PTPN14: variants seen among roughly 807,000 people sequenced by gnomAD.
PTPN14 encodes the protein tyrosine-protein phosphatase non-receptor type 14.
PTPN14 carries 53 observed loss-of-function variants against 126.8 expected under a neutral mutation model. The ratio of observed to expected loss-of-function variants is 0.42; its 90% CI spans 0.34 to 0.53. PTPN14 has a LOEUF of 0.53. Among genes scored for constraint, PTPN14 ranks in the 20% least tolerant of loss-of-function variants. The probability of loss-of-function intolerance (pLI) is 0.08; values close to 1 mark genes in which losing one functional copy is unlikely to be tolerated. For missense variants in PTPN14, 1,257 were observed against 1,552.9 expected (o/e 0.81, Z 3.20); for synonymous variants, 630 against 599.3 (o/e 1.05, Z -0.75).
chr1:214,445,223 C>T (rs1005031787), intron 3 of PTPN14, among the ~76,000 whole-genome samples: 35 of 152,112 alleles, frequency 2.3e-4, no homozygotes, highest in African/African-American at 8.2e-4. Context: ...TGAGAAGCAC[C>T]GAAAACAGAC....
chr1:214,520,919 G>A (rs1471000879), intron 1 of PTPN14, among the ~76,000 whole-genome samples: 2 of 152,070 alleles, frequency 1.3e-5, no homozygotes, highest in Non-Finnish European at 2.9e-5. Context: ...TTTACCCCAG[G>A]CCAGTGTCTC....
In PTPN14 at chr1:214,391,060, G is replaced by GA; in HGVS notation, c.930-16dup. ...AATTTGACTGTCTACATGAAGAGGT[G>GA]AAAAAATGAGAATGGTTATTATTAT... is the stretch of plus-strand genomic sequence containing the variant. On this transcript the variant is annotated splice_polypyrimidine_tract_variant and intron_variant, in intron 10 of 18. Transcript: ENST00000366956. 6.5e-7 allele frequency: 1 copy of GA among 1,539,676 alleles called. No homozygotes were observed. Among genetic ancestry groups the GA allele is most frequent in the Non-Finnish European group, 8.9e-7 (1 of 1,128,402 alleles).
chr1:214,465,032 GA>G (rs1230607868), intron 1 of PTPN14, 75 bp from the exon 2 acceptor site: 2 of 305,808 alleles, frequency 6.5e-6, no homozygotes, highest in Admixed American at 1.3e-4. Flanking sequence ...CACACACACA[GA>G]AGCCCCCCCC....
intron 5 of PTPN14, among the ~76,000 whole-genome samples, chr1:214,407,204 T>C (rs115298067): frequency 0.013 from 1,949 of 152,270 alleles, 30 homozygotes; most frequent in Non-Finnish European, 0.017. Context: ...CAGCAGATAA[T>C]ACCACTGTTT....
intron 3 of PTPN14, among the ~76,000 whole-genome samples, chr1:214,419,273 TATC>T (rs1659491975): frequency 6.6e-6 from 1 of 152,168 alleles, no homozygotes; most frequent in Non-Finnish European, 1.5e-5. Context: ...GCAGAATCAT[TATC>T]ATCACACACG....
intron 1 of PTPN14, among the ~76,000 whole-genome samples, chr1:214,518,383 T>C (rs74479485): frequency 0.021 from 3,210 of 152,314 alleles, 102 homozygotes; most frequent in African/African-American, 0.071. Context: ...AGAATGACAA[T>C]AGTTTATTTT....
chr1:214,421,470 C>G (rs2102594079), intron 3 of PTPN14, among the ~76,000 whole-genome samples: 1 of 152,062 alleles, frequency 6.6e-6, no homozygotes, highest in South Asian at 2.1e-4. Flanking sequence ...TGTTAAAACA[C>G]TAAAAGTCAC....
chr1:214,375,738 C>T (rs762472529), intron 15 of PTPN14, among the ~76,000 whole-genome samples: 4 of 152,216 alleles, frequency 2.6e-5, no homozygotes, highest in Non-Finnish European at 4.4e-5. Context: ...AATTACTCCA[C>T]TCTTCTAAAT....
chr1:214,449,295 C>T (rs1161208269), intron 3 of PTPN14, among the ~76,000 whole-genome samples: 2 of 152,074 alleles, frequency 1.3e-5, no homozygotes, highest in Non-Finnish European at 2.9e-5. Flanking sequence ...CGTGAGCCAC[C>T]GCGCCCGGCC....
Position 214,378,101 on chromosome 1 carries a change from T to A in PTPN14, c.2546A>T (p.Asn849Ile). The change falls in exon 14 of 19, where the codon AAT becomes ATT. Residue 849 changes from asparagine (N) to isoleucine (I), a missense_variant and splice_region_variant. By Grantham distance (149) the Asn-to-Ile change is moderately radical. This residue lies in a region of PTPN14 where 1,021 missense variants were observed against 1,183.3 expected (regional missense o/e 0.86). Coordinates refer to ENST00000366956, the MANE Select transcript of PTPN14 (RefSeq NM_005401.5). Reference sequence around the variant, plus strand: ...GCCTGCCATCTTCTGCTTCTCTAGATTCTTGCGGCAAGAAAAGGCATGTGC... The same window carrying A: ...GCCTGCCATCTTCTGCTTCTCTAGAATCTTGCGGCAAGAAAAGGCATGTGC... Reference protein sequence around the residue: ...SIIEREMMIRNLEKQKMAGLE... With the variant: ...SIIEREMMIRILEKQKMAGLE... 1.2e-6 allele frequency: 2 copies of A among 1,607,720 alleles called. No individual in the cohort carries two copies. Among genetic ancestry groups the A allele is most frequent in the Admixed American group, 1.7e-5 (1 of 58,932 alleles).
At chr1:214,444,734 C>G (rs1211178855) in intron 3 of PTPN14, among the ~76,000 whole-genome samples, 2 of 152,142 alleles carry the variant, frequency 1.3e-5, no homozygotes. Context: ...CATGCACACA[C>G]ACAGAGAGAC....
rs926056061 is a variant in PTPN14, at chr1:214,355,955, T to C, written c.*1967A>G. ...CATCTAGTTTTTCTTGACAACCTTT[T>C]TTCCTTTTTTTTTTTTTTTTTTGGA... On this transcript the variant is annotated 3_prime_UTR_variant, in exon 19 of 19. Coordinates refer to ENST00000366956, the MANE Select transcript of PTPN14 (RefSeq NM_005401.5). 7.9e-6 allele frequency: 1 copy of C among 127,008 alleles called. No homozygotes were observed. Among genetic ancestry groups the C allele is most frequent in the African/African-American group, 3.2e-5 (1 of 30,836 alleles). 7.9% of individuals were successfully genotyped at this position (127,008 alleles called of 1,614,324 possible). A position where few individuals can be genotyped will look rare whatever the true frequency, so the allele number is the denominator to read the frequency against.
In PTPN14 at chr1:214,355,291, T is replaced by G. The variant is rs1657792290; in HGVS notation, c.*2631A>C. 1 of 152,194 alleles carries G rather than the reference T, an allele frequency of 6.6e-6. No homozygotes were observed. Among genetic ancestry groups the G allele is most frequent in the African/African-American group, 2.4e-5 (1 of 41,436 alleles). 9.4% of individuals were successfully genotyped at this position (152,194 alleles called of 1,614,324 possible). A position where few individuals can be genotyped will look rare whatever the true frequency, so the allele number is the denominator to read the frequency against. On this transcript the variant is annotated 3_prime_UTR_variant, in exon 19 of 19. Transcript: ENST00000366956. ...ACCTCAAAGACGCACCAGATCTATA[T>G]GCTGTCCACATGAGACATATTCTAA...
chr1:214,351,265 A>C lies in PTPN14; in HGVS notation c.*6657T>G, dbSNP rs1250934972. 5 of 150,484 alleles carry C rather than the reference A, an allele frequency of 3.3e-5. No homozygotes were observed. The highest frequency in any genetic ancestry group is 7.4e-5 in the Non-Finnish European group (5 of 67,746). 9.3% of individuals were successfully genotyped at this position (150,484 alleles called of 1,614,324 possible). On this transcript the variant is annotated 3_prime_UTR_variant, in exon 19 of 19. Transcript: ENST00000366956. ...GAGGCTGCACTCCAGCCTGCGCAAC[A>C]GGAGTGAGACACGATCTCAAAAACT...
intron 1 of PTPN14, among the ~76,000 whole-genome samples, chr1:214,496,521 T>A (rs919195279): frequency 6.6e-6 from 1 of 152,152 alleles, no homozygotes; most frequent in Non-Finnish European, 1.5e-5. Context: ...AATAGCAAAT[T>A]GTGGGTTTTC....
At chr1:214,446,444 T>C (rs1458304175) in intron 3 of PTPN14, among the ~76,000 whole-genome samples, 3 of 152,194 alleles carry the variant, frequency 2.0e-5, no homozygotes, top group African/African-American at 7.2e-5. Flanking sequence ...AAGCCATATC[T>C]AGCAGATGAG....
intron 1 of PTPN14, among the ~76,000 whole-genome samples, chr1:214,520,065 A>AAAAAATATATAT: frequency 4.2e-4 from 30 of 71,102 alleles, no homozygotes; most frequent in Middle Eastern, 0.011. Context: ...AAAAAAAAAA[A>AAAAAATATATAT]ATATATATAT....
intron 13 of PTPN14, among the ~76,000 whole-genome samples, chr1:214,382,441 C>T (rs1658496265): frequency 6.6e-6 from 1 of 152,186 alleles, no homozygotes; most frequent in Non-Finnish European, 1.5e-5. Flanking sequence ...CCCACCTCAG[C>T]CTCCTGATTA....
chr1:214,533,213 C>T (rs926900058), intron 1 of PTPN14: 15 of 680,000 alleles, frequency 2.2e-5, no homozygotes, highest in Non-Finnish European at 3.4e-5. Context: ...CTGCACCTGG[C>T]GTCAGGGCTG....
Sources: gnomAD v4.1 joint callset for allele counts (sites outside exome capture counted in the v4.1 genomes callset) on GRCh38, gnomAD v4.1.1 for gene constraint, gnomAD v4.1.1 regional missense constraint, MANE v1.5 for transcripts, NCBI Gene and HGNC (gene_info 2026-07-23, HGNC 2026-07-21) for gene names.